The following ZNF438 variants were observed in gnomAD, a reference collection of about 807,000 sequenced individuals.
ZNF438 encodes zinc finger protein 438.
Under a neutral mutation model 38.0 loss-of-function variants are expected in ZNF438, and 25 were observed. The ratio of observed to expected loss-of-function variants is 0.66; its 90% CI spans 0.48 to 0.92. The LOEUF is 0.92. Ranked by LOEUF, ZNF438 falls within the 40% of genes least tolerant of loss-of-function variation. ZNF438 has a pLI of 0.00. For synonymous variants in ZNF438, 372 were observed against 364.1 expected (o/e 1.02, Z -0.25); for missense variants, 1,007 against 999.6 (o/e 1.01, Z -0.10).
At chr10:30,849,086 G>T (rs2033003466) in exon 5 of ZNF438, 1 of 1,614,052 alleles carries the variant, frequency 6.2e-7, no homozygotes. Flanking sequence ...GACCATGATA[G>T]GTTTGGGCAT....
intron 4 of ZNF438, among the ~76,000 whole-genome samples, chr10:30,874,120 A>G (rs1365962072): frequency 0.28 from 2,053 of 7,340 alleles, 74 homozygotes; most frequent in Middle Eastern, 0.47. Context: ...GTGTGTATAT[A>G]TATATATATA....
chr10:30,871,439 A>G (rs928908389), intron 4 of ZNF438, among the ~76,000 whole-genome samples: 46 of 152,202 alleles, frequency 3.0e-4, no homozygotes, highest in Admixed American at 2.1e-3. Flanking sequence ...AGAGCCTACT[A>G]CATGCCAGGA....
At chr10:31,021,571 C>A (rs980427940) in intron 1 of ZNF438, among the ~76,000 whole-genome samples, 1 of 150,502 alleles carries the variant, frequency 6.6e-6, no homozygotes, top group African/African-American at 2.4e-5. Context: ...ATGGACATTT[C>A]TCACTTTGTT....
chr10:30,883,963 C>T (rs968197858), intron 3 of ZNF438, among the ~76,000 whole-genome samples: 5 of 151,980 alleles, frequency 3.3e-5, no homozygotes, highest in Non-Finnish European at 7.4e-5. Flanking sequence ...AGAAAAATTA[C>T]CCAATATTAA....
At chr10:30,923,189 T>A (rs1309947921) in intron 2 of ZNF438, 1 of 152,202 alleles carries the variant, frequency 6.6e-6, no homozygotes, top group Non-Finnish European at 1.5e-5. Flanking sequence ...TGAGCAAAGT[T>A]AATAGGTGAT....
chr10:30,971,115 C>T (rs907982990), intron 1 of ZNF438, among the ~76,000 whole-genome samples: 5 of 152,058 alleles, frequency 3.3e-5, no homozygotes, highest in Admixed American at 3.3e-4. Flanking sequence ...TGCTAAACTA[C>T]TGGCATTAGT....
At position 30,964,039 on chromosome 10, in the gene ZNF438, C is replaced by G. The variant is rs75157524; in HGVS notation, c.-191-22388G>C. ...CCTACTAAAGTGATCCTTATAGTAG[C>G]TGAAATAGCTGCTGCATGTCCTAGG... On this transcript the variant is annotated intron_variant, in intron 1 of 5. Coordinates refer to ENST00000413025, the Ensembl canonical transcript of ZNF438. Among the ~76,000 whole-genome samples, 1,419 of 152,218 alleles carry G rather than the reference C, an allele frequency of 9.3e-3. 20 individuals are homozygous for G. Among genetic ancestry groups the G allele is most frequent in the African/African-American group, 0.032 (1,315 of 41,508 alleles).
chr10:31,019,163 C>T lies in ZNF438; in HGVS notation c.-192+12670G>A, dbSNP rs996995710. Among the ~76,000 whole-genome samples, 7 of 152,268 alleles carry T rather than the reference C, an allele frequency of 4.6e-5. No individual in the cohort carries two copies. The East Asian group carries it at 7.7e-4, about 17-fold the overall frequency. Reference sequence around the variant, plus strand: ...AGTCATCAGAGTTTCTTTAAAGGCACGGTTCAGACAATGGCACCCTCTGTT... The same window carrying T: ...AGTCATCAGAGTTTCTTTAAAGGCATGGTTCAGACAATGGCACCCTCTGTT... On this transcript the variant is annotated intron_variant, in intron 1 of 5. Coordinates refer to ENST00000413025, the Ensembl canonical transcript of ZNF438.
intron 1 of ZNF438, among the ~76,000 whole-genome samples, chr10:30,974,741 T>G (rs1480758809): frequency 6.6e-6 from 1 of 152,236 alleles, no homozygotes; most frequent in African/African-American, 2.4e-5. Context: ...AGAAACCTCC[T>G]TGTTCTACCC....
At chr10:30,845,114 G>A (rs1471692360) in exon 6 of ZNF438, 4 of 1,614,086 alleles carry the variant, frequency 2.5e-6, no homozygotes, top group East Asian at 4.5e-5. Context: ...CACAAAGCAG[G>A]CAGTTAAAGC....
At chr10:30,903,170 C>T (rs888144795) in intron 3 of ZNF438, among the ~76,000 whole-genome samples, 13 of 152,190 alleles carry the variant, frequency 8.5e-5, no homozygotes, top group Non-Finnish European at 1.5e-4. Context: ...CGGTTCTGCC[C>T]GTGCCTCTCC....
chr10:30,883,853 G>A (rs745730758), intron 3 of ZNF438, among the ~76,000 whole-genome samples: 11 of 152,150 alleles, frequency 7.2e-5, no homozygotes, highest in Admixed American at 1.3e-4. Flanking sequence ...GCCACTGCAC[G>A]CACTCCAGAC....
At chr10:30,906,742 T>A (rs758142710) in intron 3 of ZNF438, among the ~76,000 whole-genome samples, 1 of 152,214 alleles carries the variant, frequency 6.6e-6, no homozygotes, top group Non-Finnish European at 1.5e-5. Context: ...GAAGTTCACT[T>A]CTATTCCTAG....
chr10:30,990,938 C>A (rs1261722969), intron 1 of ZNF438, among the ~76,000 whole-genome samples: 4 of 150,994 alleles, frequency 2.6e-5, no homozygotes, highest in African/African-American at 9.7e-5. Flanking sequence ...AATTTCTCCC[C>A]AACAAAAACA....
At chr10:30,989,927 A>T (rs948238551) in intron 1 of ZNF438, among the ~76,000 whole-genome samples, 2 of 152,200 alleles carry the variant, frequency 1.3e-5, no homozygotes, top group Non-Finnish European at 2.9e-5. Flanking sequence ...CTCTGTCTAC[A>T]GAAAGGGCTG....
At chr10:30,936,789 C>CA (rs1299696680) in intron 2 of ZNF438, among the ~76,000 whole-genome samples, 2 of 151,954 alleles carry the variant, frequency 1.3e-5, no homozygotes, top group Non-Finnish European at 2.9e-5. Flanking sequence ...AAAGAATTGC[C>CA]AAAAAAGTCA....
chr10:30,935,364 G>C (rs557320158), intron 2 of ZNF438, among the ~76,000 whole-genome samples: 13 of 152,324 alleles, frequency 8.5e-5, no homozygotes, highest in Non-Finnish European at 1.5e-4. Context: ...TTGGCTTCTG[G>C]TGAGGGCCTC....
rs558574562 is a variant in ZNF438 at position 30,881,136 on chromosome 10, A to G, written c.-31-4071T>C. 6.6e-5 allele frequency among the ~76,000 whole-genome samples: 10 copies of G among 152,298 alleles called. No homozygotes were observed. In the South Asian group the frequency reaches 1.9e-3, roughly 28 times the overall value. Reference sequence around the variant, plus strand: ...CAACCCTGTATTGGAAGTTCTAGCCAGTGCAATAGAGCAAAAATAAATAAA... The same window carrying G: ...CAACCCTGTATTGGAAGTTCTAGCCGGTGCAATAGAGCAAAAATAAATAAA... On this transcript the variant is annotated intron_variant, in intron 3 of 5. Transcript: ENST00000413025.
intron 1 of ZNF438, among the ~76,000 whole-genome samples, chr10:30,963,531 A>AT (rs1276882009): frequency 6.6e-6 from 1 of 152,110 alleles, no homozygotes; most frequent in East Asian, 1.9e-4. Context: ...ATATCTCCTT[A>AT]TATGTTAGGA....
Sources: gnomAD v4.1 joint callset for allele counts (sites outside exome capture counted in the v4.1 genomes callset) on GRCh38, gnomAD v4.1.1 for gene constraint, MANE v1.5 for transcripts, NCBI Gene and HGNC (gene_info 2026-07-23, HGNC 2026-07-21) for gene names.